KCNIP4: variants seen among roughly 807,000 people sequenced by gnomAD.
The protein encoded by KCNIP4 is Kv channel-interacting protein 4.
A neutral mutation model predicts 34.0 loss-of-function variants in KCNIP4; 12 were observed. The ratio of observed to expected loss-of-function variants is 0.35; its 90% CI spans 0.23 to 0.57. KCNIP4 has a LOEUF of 0.57. Ranked by LOEUF, KCNIP4 falls within the 20% of genes least tolerant of loss-of-function variation. The pLI, the probability that KCNIP4 is intolerant of heterozygous loss-of-function variation, is 0.83. For missense variants in KCNIP4, 238 were observed against 311.7 expected, an observed-to-expected ratio of 0.76 and a Z score of 1.78; for synonymous variants, 124 against 102.2, an observed-to-expected ratio of 1.21 and a Z score of -1.29.
At chr4:21,614,484 A>G (rs932209357) in intron 1 of KCNIP4, among the ~76,000 whole-genome samples, 9 of 148,500 alleles carry the variant, frequency 6.1e-5, no homozygotes, top group Non-Finnish European at 1.2e-4. Context: ...CTATATATAT[A>G]TAAGTATTTA....
intron 3 of KCNIP4, among the ~76,000 whole-genome samples, chr4:20,795,289 C>A (rs554823864): frequency 6.6e-6 from 1 of 152,146 alleles, no homozygotes; most frequent in East Asian, 1.9e-4. Context: ...TATTATACTT[C>A]TGTGAAATGG....
intron 1 of KCNIP4, among the ~76,000 whole-genome samples, chr4:21,001,606 A>G (rs1738143033): frequency 6.6e-6 from 1 of 152,224 alleles, no homozygotes; most frequent in African/African-American, 2.4e-5. Context: ...CAGGAACCAG[A>G]GAATGCACTC....
intron 1 of KCNIP4, among the ~76,000 whole-genome samples, chr4:21,768,577 T>A (rs2109185615): frequency 6.6e-6 from 1 of 152,258 alleles, no homozygotes; most frequent in East Asian, 1.9e-4. Flanking sequence ...TGCCACCTGC[T>A]GGTAAGCACC....
At chr4:21,763,061 G>T in intron 1 of KCNIP4, 1 of 1,288,808 alleles carries the variant, frequency 7.8e-7, no homozygotes, top group Non-Finnish European at 1.0e-6. Flanking sequence ...TGCACAGTTT[G>T]CCTAATTTCC....
chr4:21,309,767 A>G (rs1184722922), intron 1 of KCNIP4, among the ~76,000 whole-genome samples: 1 of 152,184 alleles, frequency 6.6e-6, no homozygotes, highest in Non-Finnish European at 1.5e-5. Context: ...TGATCAAGAG[A>G]TAATATTTTA....
chr4:21,716,703 A>G (rs1291671090), intron 1 of KCNIP4, among the ~76,000 whole-genome samples: 1 of 152,184 alleles, frequency 6.6e-6, no homozygotes, highest in Admixed American at 6.5e-5. Flanking sequence ...TCTGCTTTCC[A>G]GACTGATTAT....
Position 21,087,533 on chromosome 4 carries a change from C to T in KCNIP4, c.62-204824G>A, listed in dbSNP as rs546343155. ...GAACTCCTGACCTCAGGTGACCCAC[C>T]TGCCTCGGCCTCCCAAAGTGATGGG... On this transcript the variant is annotated intron_variant, in intron 1 of 8. Coordinates refer to ENST00000382152, the MANE Select transcript of KCNIP4 (RefSeq NM_025221.6). Among the ~76,000 whole-genome samples the T allele has an allele frequency of 2.0e-5, 3 of 152,218 alleles. No individual in the cohort carries two copies. The South Asian group carries it at 6.2e-4, about 32-fold the overall frequency.
intron 1 of KCNIP4, among the ~76,000 whole-genome samples, chr4:21,830,440 C>T (rs1302551793): frequency 2.6e-5 from 4 of 151,964 alleles, no homozygotes; most frequent in East Asian, 1.9e-4. Context: ...TTTGGGAGGC[C>T]GAGGCGGGCT....
chr4:21,437,777 A>G (rs1016390315), intron 1 of KCNIP4, among the ~76,000 whole-genome samples: 3 of 152,180 alleles, frequency 2.0e-5, no homozygotes, highest in Non-Finnish European at 4.4e-5. Flanking sequence ...GGGCTGATAC[A>G]TCTCTTACTT....
intron 1 of KCNIP4, among the ~76,000 whole-genome samples, chr4:21,195,267 C>T (rs564635840): frequency 2.0e-5 from 3 of 152,192 alleles, no homozygotes; most frequent in Non-Finnish European, 4.4e-5. Flanking sequence ...AGGACACCCA[C>T]AGATAACTGA....
chr4:21,352,823 G>C (rs904995433), intron 1 of KCNIP4, among the ~76,000 whole-genome samples: 7 of 152,242 alleles, frequency 4.6e-5, no homozygotes, highest in Non-Finnish European at 1.0e-4. Context: ...GCCTCCTTAA[G>C]TGGGTCCCTG....
At chr4:20,848,531 AC>A (rs1720650517) in intron 3 of KCNIP4, among the ~76,000 whole-genome samples, 1 of 152,144 alleles carries the variant, frequency 6.6e-6, no homozygotes, top group Admixed American at 6.5e-5. Context: ...ATGAATGCAG[AC>A]TTTGGAGCCT....
At chr4:21,764,617 G>C (rs534805003) in intron 1 of KCNIP4, among the ~76,000 whole-genome samples, 1 of 152,264 alleles carries the variant, frequency 6.6e-6, no homozygotes, top group Admixed American at 6.5e-5. Context: ...AGACATGAGA[G>C]GGTGGTGATG....
intron 1 of KCNIP4, among the ~76,000 whole-genome samples, chr4:21,186,741 C>T (rs891503355): frequency 6.6e-6 from 1 of 152,176 alleles, no homozygotes. Context: ...ACCTGCCACG[C>T]TCAAGCAATC....
At position 21,304,063 on chromosome 4, in the gene KCNIP4, G is replaced by GAGAGAGAGAGAC. The variant is rs1560272464; in HGVS notation, c.62-421355_62-421354insGTCTCTCTCTCT. On this transcript the variant is annotated intron_variant, in intron 1 of 8. Transcript: ENST00000382152. ...AGAGAGAGAGAGAGAGAGAGAGAGA[G>GAGAGAGAGAGAC]AGAGACAGAGAGAGAGAGAGAGACA... The GAGAGAGAGAGAC allele has an allele frequency of 2.7e-4, 98 of 362,668 alleles. No individual in the cohort carries two copies. The African/African-American group carries it at 4.9e-3, about 18-fold the overall frequency. The allele number at this position is 362,668 out of a possible 1,614,324, so 22.5% of individuals were successfully genotyped here.
At chr4:20,977,202 C>A (rs978510257) in intron 1 of KCNIP4, among the ~76,000 whole-genome samples, 1 of 152,168 alleles carries the variant, frequency 6.6e-6, no homozygotes, top group Non-Finnish European at 1.5e-5. Context: ...ACAGCTGCTT[C>A]TTTACCTATT....
intron 1 of KCNIP4, among the ~76,000 whole-genome samples, chr4:21,004,766 A>G (rs1738416275): frequency 6.6e-6 from 1 of 152,188 alleles, no homozygotes; most frequent in Non-Finnish European, 1.5e-5. Context: ...TATGGGTGTC[A>G]CTGGTACAGA....
At chr4:21,357,121 A>T (rs1253236749) in intron 1 of KCNIP4, among the ~76,000 whole-genome samples, 2 of 152,222 alleles carry the variant, frequency 1.3e-5, no homozygotes, top group East Asian at 3.8e-4. Flanking sequence ...ACATGTAGAA[A>T]GCTGAAACTG....
chr4:21,618,575 TCTCTCA>T (rs1406320874), intron 1 of KCNIP4, among the ~76,000 whole-genome samples: 1 of 150,872 alleles, frequency 6.6e-6, no homozygotes, highest in Non-Finnish European at 1.5e-5. Context: ...TCTCTCTCTC[TCTCTCA>T]CTCTCTGTTT....
Sources: allele counts gnomAD v4.1 joint callset (sites outside exome capture counted in the v4.1 genomes callset), GRCh38; gene constraint gnomAD v4.1.1; transcripts MANE v1.5; gene names NCBI Gene and HGNC (gene_info 2026-07-23, HGNC 2026-07-21).